Variants in NKAIN3 observed in about 807,000 individuals in gnomAD.
NKAIN3 encodes sodium/potassium-transporting ATPase subunit beta-1-interacting protein 3.
In NKAIN3, 25 loss-of-function variants were observed where a neutral mutation model predicts 30.2. The ratio of observed to expected loss-of-function variants is 0.83; its 90% CI spans 0.60 to 1.16. The LOEUF (loss-of-function observed/expected upper bound fraction) is 1.16. NKAIN3 is among the 50% of genes most tolerant of loss of function. The pLI is 0.00. For missense variants in NKAIN3, 225 were observed against 254.1 expected, an observed-to-expected ratio of 0.89 and a Z score of 0.78; for synonymous variants, 91 against 89.6, an observed-to-expected ratio of 1.02 and a Z score of -0.09.
intron 3 of NKAIN3, among the ~76,000 whole-genome samples, chr8:62,736,782 T>C (rs1345059851): frequency 6.6e-6 from 1 of 152,232 alleles, no homozygotes; most frequent in Non-Finnish European, 1.5e-5. Context: ...TCCTTCTCCC[T>C]GTAGTCTTTC....
At chr8:62,864,632 T>G (rs1003151541) in intron 4 of NKAIN3, among the ~76,000 whole-genome samples, 2 of 152,180 alleles carry the variant, frequency 1.3e-5, no homozygotes, top group Admixed American at 1.3e-4. Flanking sequence ...TCTGGATCCT[T>G]AGAACCTGTG....
intron 4 of NKAIN3, among the ~76,000 whole-genome samples, chr8:62,854,813 A>G (rs1820012307): frequency 6.6e-6 from 1 of 152,012 alleles, no homozygotes; most frequent in African/African-American, 2.4e-5. Flanking sequence ...GCACTTCCAT[A>G]TGTTTTTGTA....
intron 3 of NKAIN3, among the ~76,000 whole-genome samples, chr8:62,720,118 C>T (rs1815042777): frequency 6.6e-6 from 1 of 152,042 alleles, no homozygotes; most frequent in African/African-American, 2.4e-5. Flanking sequence ...CAAAAGCCTT[C>T]ATTTTATGTA....
intron 4 of NKAIN3, among the ~76,000 whole-genome samples, chr8:62,862,531 A>G (rs1820282720): frequency 6.6e-6 from 1 of 152,170 alleles, no homozygotes; most frequent in African/African-American, 2.4e-5. Context: ...GGACAAAAAA[A>G]GGAAATATTT....
intron 1 of NKAIN3, among the ~76,000 whole-genome samples, chr8:62,387,055 G>C (rs1478388422): frequency 1.3e-5 from 2 of 151,978 alleles, no homozygotes; most frequent in Non-Finnish European, 1.5e-5. Flanking sequence ...TAATTTATAG[G>C]ATCATCTTTT....
chr8:62,861,649 G>A (rs545553927), intron 4 of NKAIN3, among the ~76,000 whole-genome samples: 195 of 152,324 alleles, frequency 1.3e-3, no homozygotes, highest in Non-Finnish European at 2.1e-3. Flanking sequence ...CTTCTAGCCT[G>A]CTGCCTGAGC....
chr8:62,641,011 A>AT (rs111547256), intron 3 of NKAIN3, among the ~76,000 whole-genome samples: 7,331 of 146,628 alleles, frequency 0.05, 305 homozygotes, highest in African/African-American at 0.12. Flanking sequence ...TCATTTATTT[A>AT]TTTTTTTTTT....
chr8:62,712,434 T>A (rs925605876), intron 3 of NKAIN3, among the ~76,000 whole-genome samples: 1 of 151,684 alleles, frequency 6.6e-6, no homozygotes, highest in Admixed American at 6.6e-5. Flanking sequence ...AGGATGGGGG[T>A]AAGATTCACA....
intron 4 of NKAIN3, among the ~76,000 whole-genome samples, chr8:62,914,739 A>ATTTTCTTTT (rs1317176681): frequency 7.8e-6 from 1 of 128,972 alleles, no homozygotes; most frequent in African/African-American, 3.0e-5. Context: ...AACTTAAGTA[A>ATTTTCTTTT]TTTTCTTTTT....
At chr8:62,424,212 C>G (rs887790154) in intron 1 of NKAIN3, among the ~76,000 whole-genome samples, 5 of 151,896 alleles carry the variant, frequency 3.3e-5, no homozygotes, top group African/African-American at 9.7e-5. Context: ...TGTAAAACCA[C>G]TAGAAGAAAA....
At chr8:62,710,262 T>TC (rs1253994793) in intron 3 of NKAIN3, among the ~76,000 whole-genome samples, 1 of 152,072 alleles carries the variant, frequency 6.6e-6, no homozygotes, top group African/African-American at 2.4e-5. Context: ...GTAGTTTAAA[T>TC]CATTATTTCT....
At position 62,368,598 on chromosome 8, in the gene NKAIN3, A is replaced by G. The variant is rs115114696; in HGVS notation, c.54+119471A>G. 2.9e-3 allele frequency among the ~76,000 whole-genome samples: 435 copies of G among 152,240 alleles called. 2 individuals are homozygous for G. Among genetic ancestry groups the G allele is most frequent in the African/African-American group, 9.7e-3 (401 of 41,552 alleles). Reference sequence around the variant, plus strand: ...ATGAAGGGGGGCTTCTCCGGAACAAATGCCTGATAACAAGAACTATCATAA... The same window carrying G: ...ATGAAGGGGGGCTTCTCCGGAACAAGTGCCTGATAACAAGAACTATCATAA... On this transcript the variant is annotated intron_variant, in intron 1 of 6. Coordinates refer to ENST00000623646, the MANE Select transcript of NKAIN3 (RefSeq NM_001304533.3).
At chr8:62,497,223 G>T (rs1807270356) in intron 1 of NKAIN3, among the ~76,000 whole-genome samples, 1 of 151,922 alleles carries the variant, frequency 6.6e-6, no homozygotes, top group African/African-American at 2.4e-5. Flanking sequence ...ACAATTTAAT[G>T]GTTTTTAGTT....
At chr8:62,347,754 A>G (rs1375120918) in intron 1 of NKAIN3, among the ~76,000 whole-genome samples, 1 of 152,146 alleles carries the variant, frequency 6.6e-6, no homozygotes, top group Non-Finnish European at 1.5e-5. Flanking sequence ...AAAACTAACA[A>G]GGAAGATATG....
chr8:62,652,560 A>G (rs1047094558), intron 3 of NKAIN3, among the ~76,000 whole-genome samples: 1 of 152,164 alleles, frequency 6.6e-6, no homozygotes, highest in Non-Finnish European at 1.5e-5. Context: ...TTTTAGTAAG[A>G]TAATTAGCAA....
intron 1 of NKAIN3, among the ~76,000 whole-genome samples, chr8:62,423,750 G>A (rs529363533): frequency 2.6e-4 from 40 of 151,828 alleles, no homozygotes; most frequent in African/African-American, 9.2e-4. Flanking sequence ...TCTCTAAAGG[G>A]GATTTCTCAT....
At chr8:62,553,618 C>T (rs1243217162) in intron 1 of NKAIN3, among the ~76,000 whole-genome samples, 1 of 151,672 alleles carries the variant, frequency 6.6e-6, no homozygotes, top group African/African-American at 2.4e-5. Context: ...CTCACTGCCA[C>T]CTCTGCCTCC....
chr8:62,417,818 T>C (rs1457592714), intron 1 of NKAIN3, among the ~76,000 whole-genome samples: 3 of 152,172 alleles, frequency 2.0e-5, no homozygotes, highest in Non-Finnish European at 4.4e-5. Flanking sequence ...TTAATCAGAT[T>C]ATTAGATTTT....
chr8:62,325,008 G>T (rs1681648898), intron 1 of NKAIN3, among the ~76,000 whole-genome samples: 1 of 151,834 alleles, frequency 6.6e-6, no homozygotes, highest in South Asian at 2.1e-4. Flanking sequence ...AATACTTTTT[G>T]GGGTACATGT....
Sources: allele counts gnomAD v4.1 joint callset (sites outside exome capture counted in the v4.1 genomes callset), GRCh38; gene constraint gnomAD v4.1.1; transcripts MANE v1.5; gene names NCBI Gene and HGNC (gene_info 2026-07-23, HGNC 2026-07-21).